LAMA1: variants seen among roughly 807,000 people sequenced by gnomAD.
The protein encoded by LAMA1 is laminin subunit alpha 1.
A neutral mutation model predicts 348.7 loss-of-function variants in LAMA1; 219 were observed. The observed-to-expected ratio is 0.63, with a 90% CI of 0.56 to 0.70. The LOEUF is 0.70. Among genes scored for constraint, LAMA1 ranks in the 30% least tolerant of loss-of-function variants. The pLI, the probability that LAMA1 is intolerant of heterozygous loss-of-function variation, is 0.00. For synonymous variants in LAMA1, 1,487 were observed against 1,491.0 expected, an observed-to-expected ratio of 1.00 and a Z score of 0.06; for missense variants, 3,744 against 3,888.0, an observed-to-expected ratio of 0.96 and a Z score of 0.99.
rs12605071 is a variant in LAMA1 at position 7,089,626 on chromosome 18, G to C, written c.62-9169C>G. 2.8e-4 allele frequency among the ~76,000 whole-genome samples: 42 copies of C among 152,354 alleles called. No individual in the cohort carries two copies. In the East Asian group the frequency reaches 6.4e-3, roughly 23 times the overall value. ...CTGGCAGCAGCTGCCTCCAGCCCCG[G>C]TCCTCAATAAACCCCCTGTTGCCTG... On this transcript the variant is annotated intron_variant, in intron 1 of 62. Coordinates refer to ENST00000389658, the MANE Select transcript of LAMA1 (RefSeq NM_005559.4).
Position 6,989,115 on chromosome 18 carries a change from A to G in LAMA1, c.5169-2768T>C, listed in dbSNP as rs575759360. Among the ~76,000 whole-genome samples, 14 of 152,316 alleles carry G rather than the reference A, an allele frequency of 9.2e-5. 1 individual carries two copies. In the South Asian group the frequency reaches 2.9e-3, roughly 32 times the overall value. On this transcript the variant is annotated intron_variant, in intron 36 of 62. Transcript: ENST00000389658. ...CTAGGCAGAGGGTGCCTACCAGTAC[A>G]GCTCCAACAAAATCCCTGGATACTG...
chr18:7,003,459 T>C (rs959732374), intron 29 of LAMA1, among the ~76,000 whole-genome samples: 13 of 152,092 alleles, frequency 8.5e-5, no homozygotes, highest in Admixed American at 2.6e-4. Context: ...AGGATTTCAC[T>C]GTGTTAGCCA....
In LAMA1 at chr18:7,011,294, C is replaced by A. The variant is rs781289440; in HGVS notation, c.3687+6G>T. 9 of 1,610,248 alleles carry A rather than the reference C, an allele frequency of 5.6e-6. No individual in the cohort carries two copies. Among genetic ancestry groups the A allele is most frequent in the Non-Finnish European group, 7.6e-6 (9 of 1,179,072 alleles). Reference sequence around the variant, plus strand: ...CGACTGGCTCTCGGCTGGGCGTGCACCTCACCTGGTCTCCTTGGAACTGCT... The same window carrying A: ...CGACTGGCTCTCGGCTGGGCGTGCAACTCACCTGGTCTCCTTGGAACTGCT... On this transcript the variant is annotated splice_donor_region_variant and intron_variant, in intron 25 of 62. Transcript: ENST00000389658.
chr18:6,964,609 C>T, intron 51 of LAMA1, 53 bp downstream of exon 51: 1 of 1,603,308 alleles, frequency 6.2e-7, no homozygotes, highest in Non-Finnish European at 8.5e-7. Flanking sequence ...TCAGCCCTAG[C>T]AAGCTAATAA....
chr18:7,061,916 G>C (rs1262341791), intron 3 of LAMA1, among the ~76,000 whole-genome samples: 17 of 152,118 alleles, frequency 1.1e-4, no homozygotes. Context: ...ACTGTGCCCT[G>C]GGGGAGAGAG....
At position 7,017,347 on chromosome 18, in the gene LAMA1, C is replaced by T. The variant is rs775258140; in HGVS notation, c.2739G>A (p.Val913=). 1.2e-6 allele frequency: 2 copies of T among 1,614,004 alleles called. No individual in the cohort carries two copies. Among genetic ancestry groups the T allele is most frequent in the Non-Finnish European group, 1.7e-6 (2 of 1,180,008 alleles). The change falls in exon 20 of 63, where the codon GTG becomes GTA. Residue 913 remains valine, a synonymous_variant. Transcript: ENST00000389658. ...ECHVKGSHSA[V]CHLETGLCDC... is the part of the protein sequence containing the mutation. ...CACAGAGCCCGGTCTCAAGATGGCA[C>T]ACGGCAGAATGGGAGCCTTTCACAT...
At chr18:7,045,953 C>T (rs1449141670) in intron 6 of LAMA1, among the ~76,000 whole-genome samples, 1 of 142,888 alleles carries the variant, frequency 7.0e-6, no homozygotes, top group Non-Finnish European at 1.5e-5. Context: ...TATAATTGCA[C>T]TTTTTTTTTT....
chr18:7,108,485 A>C (rs1204318945), intron 1 of LAMA1, among the ~76,000 whole-genome samples: 1 of 151,684 alleles, frequency 6.6e-6, no homozygotes, highest in Non-Finnish European at 1.5e-5. Context: ...ACATGGTGAA[A>C]CCCTGTCTCT....
chr18:7,048,742 T>C (rs1665730502), intron 5 of LAMA1, among the ~76,000 whole-genome samples: 1 of 152,170 alleles, frequency 6.6e-6, no homozygotes, highest in African/African-American at 2.4e-5. Flanking sequence ...TCTCAAACTT[T>C]AAAATTTGAT....
intron 3 of LAMA1, among the ~76,000 whole-genome samples, chr18:7,062,964 A>G (rs184193724): frequency 4.3e-4 from 66 of 152,300 alleles, no homozygotes; most frequent in African/African-American, 1.6e-3. Flanking sequence ...ACACTCAGTG[A>G]CAGTAAAAGG....
At chr18:6,994,480 G>C (rs2057771856) in intron 34 of LAMA1, among the ~76,000 whole-genome samples, 1 of 152,140 alleles carries the variant, frequency 6.6e-6, no homozygotes, top group Non-Finnish European at 1.5e-5. Flanking sequence ...ATTTTAATCA[G>C]CCTATTTCCA....
intron 3 of LAMA1, among the ~76,000 whole-genome samples, chr18:7,063,889 G>T (rs1372056208): frequency 6.6e-6 from 1 of 152,174 alleles, no homozygotes; most frequent in Non-Finnish European, 1.5e-5. Context: ...AAGGGGTACA[G>T]AGTTTCTGTT....
chr18:6,973,632 A>G (rs1256303299), intron 46 of LAMA1, among the ~76,000 whole-genome samples: 1 of 152,100 alleles, frequency 6.6e-6, no homozygotes, highest in East Asian at 1.9e-4. Context: ...TGCACCCCCC[A>G]CTTGCATCCT....
chr18:7,024,588 C>T, intron 17 of LAMA1, 122 bp from the exon 18 acceptor site: 1 of 811,072 alleles, frequency 1.2e-6, no homozygotes, highest in Non-Finnish European at 2.1e-6. Flanking sequence ...CTCCTTAGCT[C>T]AGAATCCGGG....
intron 41 of LAMA1, among the ~76,000 whole-genome samples, chr18:6,982,103 A>G (rs768357503): frequency 1.2e-4 from 19 of 152,168 alleles, no homozygotes; most frequent in Non-Finnish European, 2.5e-4. Context: ...TAGTTCCATG[A>G]GAAAGGTAAA....
intron 17 of LAMA1, 53 bp downstream of exon 17, chr18:7,025,926 G>A (rs1230119008): frequency 1.3e-5 from 20 of 1,568,842 alleles, no homozygotes; most frequent in Non-Finnish European, 1.7e-5. Flanking sequence ...TACGCATCTG[G>A]GTGGGAATCC....
chr18:6,942,252 GAA>G lies in LAMA1; in HGVS notation c.9068-15_9068-14del. 6.2e-7 allele frequency: 1 copy of G among 1,613,704 alleles called. No individual in the cohort carries two copies. The highest frequency in any genetic ancestry group is 8.5e-7 in the Non-Finnish European group (1 of 1,180,004). On this transcript the variant is annotated splice_polypyrimidine_tract_variant and intron_variant, in intron 62 of 62. Coordinates refer to ENST00000389658, the MANE Select transcript of LAMA1 (RefSeq NM_005559.4). ...TGCTTCACACCAGCTGTTCAGGAAA[GAA>G]GAGAAGACAAATCTTGCTTAATTTT...
At chr18:6,949,396 T>A (rs946304875) in intron 58 of LAMA1, 137 bp from the exon 59 acceptor site, 24 of 882,184 alleles carry the variant, frequency 2.7e-5, no homozygotes, top group Non-Finnish European at 9.1e-6. Context: ...AAGGTTCAAA[T>A]TTTTAGACAG....
chr18:6,991,636 C>T (rs370949011), intron 36 of LAMA1, among the ~76,000 whole-genome samples: 1 of 151,916 alleles, frequency 6.6e-6, no homozygotes, highest in Non-Finnish European at 1.5e-5. Context: ...ATGATCTGCC[C>T]GCCTCAGCCT....
Sources: gnomAD v4.1 joint callset for allele counts (sites outside exome capture counted in the v4.1 genomes callset) on GRCh38, gnomAD v4.1.1 for gene constraint, MANE v1.5 for transcripts, NCBI Gene and HGNC (gene_info 2026-07-23, HGNC 2026-07-21) for gene names.